LY6S: variants seen among roughly 807,000 people sequenced by gnomAD.
The protein encoded by LY6S is lymphocyte antigen 6S.
chr8:143,051,338 C>T, the LY6S span, among the ~76,000 whole-genome samples: 4 of 152,054 alleles, frequency 2.6e-5, no homozygotes, highest in South Asian at 2.1e-4. Flanking sequence ...GTCAGGAGTT[C>T]GAGACCAGCC....
chr8:143,063,866 C>T, the LY6S span, among the ~76,000 whole-genome samples: 9 of 152,212 alleles, frequency 5.9e-5, no homozygotes, highest in African/African-American at 9.7e-5. Context: ...GATCATGATG[C>T]GCTGTCCCCA....
chr8:143,044,724 C>T, the LY6S span: 1 of 1,367,664 alleles, frequency 7.3e-7, no homozygotes, highest in South Asian at 1.1e-5. Flanking sequence ...AGACCCCATC[C>T]AGGAAGGGGC....
chr8:143,056,285 C>T, the LY6S span, among the ~76,000 whole-genome samples: 6 of 149,952 alleles, frequency 4.0e-5, no homozygotes, highest in African/African-American at 1.5e-4. Flanking sequence ...ACTTTAATTC[C>T]ATTTTGTTGA....
chr8:143,062,163 G>A, the LY6S span, among the ~76,000 whole-genome samples: 2 of 152,144 alleles, frequency 1.3e-5, no homozygotes, highest in African/African-American at 2.4e-5. Flanking sequence ...TTTGCATATG[G>A]GGAGAAACCA....
the LY6S span, chr8:143,057,752 T>C: frequency 5.1e-6 from 4 of 787,266 alleles, no homozygotes; most frequent in East Asian, 9.7e-5. Context: ...TGTGTCGATC[T>C]GATCAGCTCT....
chr8:143,049,182 C>A, the LY6S span: 1 of 534,642 alleles, frequency 1.9e-6, no homozygotes, highest in Non-Finnish European at 3.8e-6. Flanking sequence ...ACCTCCTGGA[C>A]TTTGGTATCT....
chr8:143,044,297 ACAG>A, the LY6S span: 1 of 452,604 alleles, frequency 2.2e-6, no homozygotes, highest in South Asian at 1.6e-5. Flanking sequence ...CAGAGTAGCT[ACAG>A]CAGCTGGCGT....
the LY6S span, among the ~76,000 whole-genome samples, chr8:143,074,794 T>C: frequency 6.6e-6 from 1 of 152,188 alleles, no homozygotes; most frequent in African/African-American, 2.4e-5. Context: ...GTGCTAGAAA[T>C]TATATGCAAA....
chr8:143,055,001 G>T, the LY6S span, among the ~76,000 whole-genome samples: 1 of 152,168 alleles, frequency 6.6e-6, no homozygotes, highest in East Asian at 1.9e-4. Context: ...TCTAAAAGGG[G>T]AATGCCATGT....
At chr8:143,043,393 C>T in the LY6S span, 6 of 486,580 alleles carry the variant, frequency 1.2e-5, no homozygotes, top group South Asian at 9.7e-5. Flanking sequence ...GCCTCAGGGG[C>T]TTTCTGCAGG....
the LY6S span, among the ~76,000 whole-genome samples, chr8:143,068,998 C>G: frequency 1.3e-5 from 2 of 152,162 alleles, no homozygotes; most frequent in Admixed American, 1.3e-4. Flanking sequence ...CATGGTGGTT[C>G]TGAGTTCCTG....
chr8:143,050,736 C>G, the LY6S span, among the ~76,000 whole-genome samples: 60 of 152,278 alleles, frequency 3.9e-4, no homozygotes, highest in African/African-American at 1.4e-3. Flanking sequence ...TAGAATAGAC[C>G]TCAGGGGTGC....
At chr8:143,070,739 C>T in the LY6S span, among the ~76,000 whole-genome samples, 1 of 151,812 alleles carries the variant, frequency 6.6e-6, no homozygotes, top group African/African-American at 2.4e-5. Flanking sequence ...CTCGCCTCGG[C>T]CTCCCAAAGT....
chr8:143,057,569 G>A, the LY6S span: 51 of 1,256,742 alleles, frequency 4.1e-5, no homozygotes, highest in South Asian at 1.1e-4. Flanking sequence ...CTTGATAACC[G>A]TCTCTGGTTT....
At chr8:143,058,799 C>T in the LY6S span, among the ~76,000 whole-genome samples, 118 of 152,252 alleles carry the variant, frequency 7.8e-4, no homozygotes, top group African/African-American at 2.7e-3. Flanking sequence ...CCGGCGTCTT[C>T]CCAGACGCTG....
At chr8:143,059,901 A>C in the LY6S span, 2 of 152,270 alleles carry the variant, frequency 1.3e-5, no homozygotes, top group Non-Finnish European at 2.9e-5. Context: ...CCAAGGGCAC[A>C]AGCTGTTCCA....
At chr8:143,050,710 G>T in the LY6S span, among the ~76,000 whole-genome samples, 1 of 152,132 alleles carries the variant, frequency 6.6e-6, no homozygotes, top group Admixed American at 6.5e-5. Context: ...TGCAACATGG[G>T]CCAGGCCTTC....
chr8:143,065,738 T>TTC, the LY6S span, among the ~76,000 whole-genome samples: 2 of 150,454 alleles, frequency 1.3e-5, no homozygotes, highest in East Asian at 2.0e-4. Context: ...TTCTTTCTCT[T>TTC]TCTTTCTCTT....
At chr8:143,072,990 C>T in the LY6S span, among the ~76,000 whole-genome samples, 11 of 20,556 alleles carry the variant, frequency 5.4e-4, no homozygotes, top group South Asian at 4.4e-3. Flanking sequence ...GCCGTCGTCC[C>T]CGGGGTCCCT....
Sources: gnomAD v4.1 joint callset for allele counts (sites outside exome capture counted in the v4.1 genomes callset) on GRCh38, gnomAD v4.1.1 for gene constraint, MANE v1.5 for transcripts, NCBI Gene and HGNC (gene_info 2026-07-23, HGNC 2026-07-21) for gene names.